The following DBT variants were observed in gnomAD, a reference collection of about 807,000 sequenced individuals.
DBT encodes dihydrolipoamide branched chain transacylase E2, also known as lipoamide acyltransferase component of branched-chain alpha-keto acid dehydrogenase complex, mitochondrial.
A neutral mutation model predicts 51.3 loss-of-function variants in DBT; 40 were observed. That is an observed-to-expected ratio of 0.78 (90% CI 0.61 to 1.02). The LOEUF is 1.02. Ranked by LOEUF, DBT falls within the 50% of genes least tolerant of loss-of-function variation. The probability of loss-of-function intolerance (pLI) is 0.00; values close to 1 mark genes in which losing one functional copy is unlikely to be tolerated. For missense variants in DBT, 510 were observed against 580.2 expected (o/e 0.88, Z 1.24); for synonymous variants, 181 against 190.4 (o/e 0.95, Z 0.41).
intron 2 of DBT, among the ~76,000 whole-genome samples, chr1:100,240,504 G>A (rs904201716): frequency 3.9e-5 from 6 of 152,022 alleles, no homozygotes; most frequent in African/African-American, 1.5e-4. Context: ...CTCCAATCTG[G>A]GCAACTGAGT....
In DBT at chr1:100,195,406, A is replaced by G. The variant is rs1661032633; in HGVS notation, c.*849T>C. 1 of 152,626 alleles carries G rather than the reference A, an allele frequency of 6.6e-6. No homozygotes were observed. Among genetic ancestry groups the G allele is most frequent in the Non-Finnish European group, 1.5e-5 (1 of 68,044 alleles). The allele number at this position is 152,626 out of a possible 1,614,324, so 9.5% of individuals were successfully genotyped here. On this transcript the variant is annotated 3_prime_UTR_variant, in exon 11 of 11. Coordinates refer to ENST00000370132, the MANE Select transcript of DBT (RefSeq NM_001918.5). ...CCAGTTTATACTTTTCCCTTTTCAAAGACATTAATTAATATAAATAAGACA... is the reference window on the plus strand; with the variant it reads ...CCAGTTTATACTTTTCCCTTTTCAAGGACATTAATTAATATAAATAAGACA...
intron 3 of DBT, among the ~76,000 whole-genome samples, chr1:100,232,570 A>G (rs1411168308): frequency 6.6e-6 from 1 of 152,220 alleles, no homozygotes; most frequent in Non-Finnish European, 1.5e-5. Context: ...ATGTTTAAAA[A>G]TGGAATACTT....
Position 100,230,787 on chromosome 1 carries a change from C to G in DBT, c.379G>C (p.Asp127His), listed in dbSNP as rs764683352. ...AATGGCTTCCCCACATAGGCAATAT[C>G]GTCTAGATTATAATAGAGTTTTTTA... ...VIKKLYYNLD[D>H]IAYVGKPLVD... The change falls in exon 4 of 11, where the codon GAT becomes CAT. Residue 127 changes from aspartate to histidine, a missense_variant. Asp to His is a moderately conservative substitution (Grantham distance 81). Transcript: ENST00000370132. 43 of 1,611,184 alleles carry G rather than the reference C, an allele frequency of 2.7e-5. No homozygotes were observed. Among genetic ancestry groups the G allele is most frequent in the Non-Finnish European group, 3.6e-5 (42 of 1,177,874 alleles).
At chr1:100,244,019 TC>T (rs1664389240) in intron 1 of DBT, among the ~76,000 whole-genome samples, 1 of 138,852 alleles carries the variant, frequency 7.2e-6, no homozygotes, top group Non-Finnish European at 1.5e-5. Flanking sequence ...ATAGCTGTAA[TC>T]TCATTGCACT....
At chr1:100,196,860 A>T (rs922696089) in intron 10 of DBT, 1 of 200,018 alleles carries the variant, frequency 5.0e-6, no homozygotes, top group Middle Eastern at 2.4e-3. Flanking sequence ...CAGGAAGAAG[A>T]CAGGACAACA....
chr1:100,223,834 T>C (rs1027655726), intron 4 of DBT, among the ~76,000 whole-genome samples: 6 of 151,950 alleles, frequency 3.9e-5, no homozygotes, highest in African/African-American at 1.5e-4. Flanking sequence ...GTGATAATGT[T>C]AAGTAAAAAA....
rs35150096 is a variant in DBT at position 100,206,072 on chromosome 1, T to TA, written c.1281+157dup. ...GCACATGTATCCCAGAACTTAAAGTTAAAAAAAAAAAAAAAAAAGAAATAA... is the reference window on the plus strand; with the variant it reads ...GCACATGTATCCCAGAACTTAAAGTTAAAAAAAAAAAAAAAAAAAGAAATAA... On this transcript the variant is annotated intron_variant, in intron 10 of 10. Coordinates refer to ENST00000370132, the MANE Select transcript of DBT (RefSeq NM_001918.5). Among the ~76,000 whole-genome samples, 1,462 of 124,866 alleles carry TA rather than the reference T, an allele frequency of 0.012. 26 individuals carry two copies. The highest frequency in any genetic ancestry group is 0.052 in the Middle Eastern group (13 of 250). The allele number at this position is 124,866 out of a possible 152,430, so 81.9% of individuals were successfully genotyped here.
rs55792733 is a variant in DBT at position 100,218,932 on chromosome 1, TGG to T, written c.434-187_434-186del. On this transcript the variant is annotated intron_variant, in intron 4 of 10. Transcript: ENST00000370132. ...AACTATCCTAATGGTATGGGTAGAG[TGG>T]GGGGGGGGGTGTGTGCCGGTACCTG... Among the ~76,000 whole-genome samples the T allele has an allele frequency of 0.81, 118,898 of 146,846 alleles. 48,886 individuals are homozygous for T. Among genetic ancestry groups the T allele is most frequent in the East Asian group, 0.95 (4,863 of 5,108 alleles).
rs183916666 is a variant in DBT, at chr1:100,190,165, T to C, written c.*6090A>G. 6.6e-6 allele frequency: 1 copy of C among 152,336 alleles called. No individual in the cohort carries two copies. The highest frequency in any genetic ancestry group is 1.5e-5 in the Non-Finnish European group (1 of 68,030). 9.4% of individuals were successfully genotyped at this position (152,336 alleles called of 1,614,324 possible). The stretch of plus-strand genomic sequence containing the variant: ...AAAAGTGTATTATTCAACTATCACA[T>C]CCAAACCAATTGGTGCTAGGGTGTA... On this transcript the variant is annotated 3_prime_UTR_variant, in exon 11 of 11. Transcript: ENST00000370132.
rs1003932483 is a variant in DBT, at chr1:100,195,149, A to G, written c.*1106T>C. 1 of 152,596 alleles carries G rather than the reference A, an allele frequency of 6.6e-6. No individual in the cohort carries two copies. Among genetic ancestry groups the G allele is most frequent in the Non-Finnish European group, 1.5e-5 (1 of 68,036 alleles). The allele number at this position is 152,596 out of a possible 1,614,324, so 9.5% of individuals were successfully genotyped here. ...ACCTTAATTTCTTATCCTATTTTTT[A>G]GCTGAAGACCAAAAAAGTTAAAAGG... On this transcript the variant is annotated 3_prime_UTR_variant, in exon 11 of 11. Transcript: ENST00000370132.
Position 100,215,105 on chromosome 1 carries a change from CT to C in DBT, c.773-123del, listed in dbSNP as rs995211485. On this transcript the variant is annotated intron_variant, in intron 6 of 10. Coordinates refer to ENST00000370132, the MANE Select transcript of DBT (RefSeq NM_001918.5). ...TGTCTTTTACTCTCTCAGTTAAACCCTTCCTCTTACTACTCTCTTCATTACA... is the reference window on the plus strand; with the variant it reads ...TGTCTTTTACTCTCTCAGTTAAACCCTCCTCTTACTACTCTCTTCATTACA... The C allele has an allele frequency of 1.8e-4, 126 of 697,550 alleles. No individual in the cohort carries two copies. In the African/African-American group the frequency reaches 2.2e-3, roughly 12 times the overall value. The allele number at this position is 697,550 out of a possible 1,614,324, so 43.2% of individuals were successfully genotyped here.
chr1:100,203,275 C>G (rs1660904126), intron 10 of DBT, among the ~76,000 whole-genome samples: 1 of 152,194 alleles, frequency 6.6e-6, no homozygotes, highest in African/African-American at 2.4e-5. Flanking sequence ...GATATCACCA[C>G]TGATCTCACA....
intron 7 of DBT, chr1:100,213,553 G>A: frequency 6.3e-7 from 1 of 1,575,436 alleles, no homozygotes; most frequent in Non-Finnish European, 8.7e-7. Context: ...GGGGGCTGCA[G>A]GACTGCTTCA....
chr1:100,199,661 A>C (rs1661320708), intron 10 of DBT, among the ~76,000 whole-genome samples: 1 of 152,212 alleles, frequency 6.6e-6, no homozygotes, highest in South Asian at 2.1e-4. Context: ...ACCAAGGCAG[A>C]AGGCAGGTGA....
At chr1:100,239,749 G>C (rs1049357166) in intron 2 of DBT, among the ~76,000 whole-genome samples, 2 of 150,562 alleles carry the variant, frequency 1.3e-5, no homozygotes, top group African/African-American at 4.9e-5. Flanking sequence ...TGTAGTCCCA[G>C]CTACTCAGGA....
intron 1 of DBT, among the ~76,000 whole-genome samples, chr1:100,246,407 CATTGT>C (rs1664544082): frequency 2.0e-5 from 3 of 152,154 alleles, no homozygotes; most frequent in Admixed American, 2.0e-4. Context: ...TAAAGTCAGA[CATTGT>C]ACTGGACTTG....
In DBT at chr1:100,191,385, T is replaced by C. The variant is rs973682404; in HGVS notation, c.*4870A>G. On this transcript the variant is annotated 3_prime_UTR_variant, in exon 11 of 11. Transcript: ENST00000370132. ...CAAACAGCTTCACAGTTTAATAGTA[T>C]CTTATGTATTTGCCTTCCACTCCCT... The C allele has an allele frequency of 1.3e-5, 2 of 152,202 alleles. No individual in the cohort carries two copies. The highest frequency in any genetic ancestry group is 2.4e-5 in the African/African-American group (1 of 41,460). 9.4% of individuals were successfully genotyped at this position (152,202 alleles called of 1,614,324 possible). A position where few individuals can be genotyped will look rare whatever the true frequency, so the allele number is the denominator to read the frequency against.
At chr1:100,246,844 T>G (rs1475140540) in intron 1 of DBT, among the ~76,000 whole-genome samples, 1 of 152,188 alleles carries the variant, frequency 6.6e-6, no homozygotes, top group Non-Finnish European at 1.5e-5. Context: ...TAGAGTGTGT[T>G]AAGGGAACCT....
intron 1 of DBT, among the ~76,000 whole-genome samples, chr1:100,249,514 T>C (rs1426374538): frequency 6.6e-6 from 1 of 152,088 alleles, no homozygotes; most frequent in Non-Finnish European, 1.5e-5. Flanking sequence ...AAACGCTAGC[T>C]GGGCCTCGGG....
Sources: allele counts gnomAD v4.1 joint callset (sites outside exome capture counted in the v4.1 genomes callset), GRCh38; gene constraint gnomAD v4.1.1; transcripts MANE v1.5; gene names NCBI Gene and HGNC (gene_info 2026-07-23, HGNC 2026-07-21).